The following WWOX variants were observed in gnomAD, a reference collection of about 807,000 sequenced individuals.
WWOX encodes WW domain-containing oxidoreductase.
WWOX carries 69 observed loss-of-function variants against 46.2 expected under a neutral mutation model. That is an observed-to-expected ratio of 1.49 (90% confidence interval 1.23 to 1.82). The LOEUF is 1.82. Among genes scored for constraint, WWOX ranks in the 40% most tolerant of loss-of-function variants. The probability of loss-of-function intolerance (pLI) is 0.00; values close to 1 mark genes in which losing one functional copy is unlikely to be tolerated. For missense variants in WWOX, 919 were observed against 542.6 expected (o/e 1.69, Z -6.89); for synonymous variants, 359 against 202.6 (o/e 1.77, Z -6.56).
chr16:78,404,436 G>C (rs1219923107), intron 6 of WWOX, among the ~76,000 whole-genome samples: 2 of 152,072 alleles, frequency 1.3e-5, no homozygotes, highest in African/African-American at 2.4e-5. Context: ...GAGAAGCTGA[G>C]GGTCACAGAA....
intron 8 of WWOX, among the ~76,000 whole-genome samples, chr16:78,928,933 C>T (rs2045560821): frequency 6.6e-6 from 1 of 152,118 alleles, no homozygotes; most frequent in Admixed American, 6.5e-5. Flanking sequence ...CCAGAAGTGC[C>T]CCTTTAAGTT....
At chr16:78,245,170 T>C (rs1002520543) in intron 5 of WWOX, among the ~76,000 whole-genome samples, 4 of 152,212 alleles carry the variant, frequency 2.6e-5, no homozygotes. Context: ...TTTTCTCTCT[T>C]AACATTTTAA....
At chr16:78,632,924 T>C (rs954262112) in intron 8 of WWOX, among the ~76,000 whole-genome samples, 1 of 152,036 alleles carries the variant, frequency 6.6e-6, no homozygotes, top group African/African-American at 2.4e-5. Context: ...GGTAGGGCCA[T>C]GTTGGAGAGG....
At chr16:78,397,507 C>T (rs768203221) in intron 6 of WWOX, among the ~76,000 whole-genome samples, 6 of 152,186 alleles carry the variant, frequency 3.9e-5, no homozygotes, top group Non-Finnish European at 1.5e-5. Flanking sequence ...AGCTGGTACG[C>T]AGTAAGGCTA....
At chr16:78,813,130 T>C (rs998691235) in intron 8 of WWOX, among the ~76,000 whole-genome samples, 2 of 152,014 alleles carry the variant, frequency 1.3e-5, no homozygotes, top group Admixed American at 1.3e-4. Flanking sequence ...CTATAAGTGG[T>C]TGATTGTTTT....
intron 8 of WWOX, among the ~76,000 whole-genome samples, chr16:78,980,731 G>A (rs1440391371): frequency 6.6e-6 from 1 of 152,100 alleles, no homozygotes; most frequent in Non-Finnish European, 1.5e-5. Context: ...TTCTCCCAAG[G>A]AGACTTTAGC....
chr16:78,305,439 A>G (rs2080116439), intron 5 of WWOX, among the ~76,000 whole-genome samples: 1 of 152,156 alleles, frequency 6.6e-6, no homozygotes, highest in Non-Finnish European at 1.5e-5. Context: ...ATCCAAGAAG[A>G]AGCATAGACA....
intron 8 of WWOX, among the ~76,000 whole-genome samples, chr16:78,747,731 C>T (rs906938366): frequency 1.1e-4 from 17 of 152,222 alleles, no homozygotes; most frequent in African/African-American, 3.9e-4. Context: ...CCTAGAGCGT[C>T]AGCCCATGAG....
chr16:78,156,066 C>A (rs1749336228), intron 4 of WWOX, among the ~76,000 whole-genome samples: 1 of 152,134 alleles, frequency 6.6e-6, no homozygotes, highest in Non-Finnish European at 1.5e-5. Flanking sequence ...AGTAGACTAG[C>A]AACGGGTAAT....
Position 78,151,176 on chromosome 16 carries a change from C to T in WWOX, c.410-13007C>T, listed in dbSNP as rs550984820. On this transcript the variant is annotated intron_variant, in intron 4 of 8. Coordinates refer to ENST00000566780, the MANE Select transcript of WWOX (RefSeq NM_016373.4). ...ACAGGCATGAGACCCCATGCCTGGC[C>T]AATTTCAAGGATTTTAGGAGCTCTG... 2.6e-5 allele frequency among the ~76,000 whole-genome samples: 4 copies of T among 152,090 alleles called. No homozygotes were observed. In the South Asian group the frequency reaches 6.2e-4, roughly 24 times the overall value.
At chr16:78,412,337 C>G (rs1170029295) in intron 6 of WWOX, among the ~76,000 whole-genome samples, 2 of 152,072 alleles carry the variant, frequency 1.3e-5, no homozygotes, top group Non-Finnish European at 2.9e-5. Flanking sequence ...CATGTTGACC[C>G]TGAATTTGTG....
chr16:78,928,038 CA>C lies in WWOX; in HGVS notation c.1057-283562del, dbSNP rs1479592547. ...AGTCTTGCTAGAATGCATAAACAAA[CA>C]AAAAAAATATCATACTCTCAGATCC... is the stretch of plus-strand genomic sequence containing the variant. On this transcript the variant is annotated intron_variant, in intron 8 of 8. Coordinates refer to ENST00000566780, the MANE Select transcript of WWOX (RefSeq NM_016373.4). 4.0e-5 allele frequency among the ~76,000 whole-genome samples: 6 copies of C among 151,432 alleles called. No individual in the cohort carries two copies. In the South Asian group the frequency reaches 1.2e-3, roughly 32 times the overall value.
chr16:78,727,025 A>T (rs1234026391), intron 8 of WWOX, among the ~76,000 whole-genome samples: 3 of 152,152 alleles, frequency 2.0e-5, no homozygotes, highest in Non-Finnish European at 4.4e-5. Flanking sequence ...TCCGTGGTGT[A>T]AGTTGCCTTA....
In WWOX at chr16:78,956,367, C is replaced by A. The variant is rs9924584; in HGVS notation, c.1057-255241C>A. On this transcript the variant is annotated intron_variant, in intron 8 of 8. Transcript: ENST00000566780. The stretch of plus-strand genomic sequence containing the variant: ...GCGGAGTTTCACCATGTTGGCCAGG[C>A]TGGTCTCTAACTCCTGACCTCAAGT... 2.9e-3 allele frequency among the ~76,000 whole-genome samples: 439 copies of A among 152,196 alleles called. 4 individuals carry two copies. Among genetic ancestry groups the A allele is most frequent in the African/African-American group, 0.01 (426 of 41,504 alleles).
rs2049711309 is a variant in WWOX at position 78,758,440 on chromosome 16, A to G, written c.1056+325688A>G. Among the ~76,000 whole-genome samples, 3 of 152,168 alleles carry G rather than the reference A, an allele frequency of 2.0e-5. No homozygotes were observed. The South Asian group carries it at 6.2e-4, about 32-fold the overall frequency. ...TAATGCAGGGTCCAGGAGCCACCTT[A>G]ATCATCCATAAATTGGTTAGGCATG... is the stretch of plus-strand genomic sequence containing the variant. On this transcript the variant is annotated intron_variant, in intron 8 of 8. Transcript: ENST00000566780.
rs553547927 is a variant in WWOX, at chr16:78,155,854, G to C, written c.410-8329G>C. Among the ~76,000 whole-genome samples the C allele has an allele frequency of 2.6e-5, 4 of 152,262 alleles. No homozygotes were observed. The South Asian group carries it at 8.3e-4, about 32-fold the overall frequency. On this transcript the variant is annotated intron_variant, in intron 4 of 8. Transcript: ENST00000566780. ...AGAGTGAGGGATGTTATTCTCTTGG[G>C]TTTTATCCAGGACTTTAACAGTAGG...
At chr16:78,399,998 A>G (rs1468462510) in intron 6 of WWOX, among the ~76,000 whole-genome samples, 1 of 152,200 alleles carries the variant, frequency 6.6e-6, no homozygotes, top group East Asian at 1.9e-4. Context: ...TAGTTGAGCT[A>G]CTTGTCACTG....
intron 8 of WWOX, among the ~76,000 whole-genome samples, chr16:79,117,363 G>C (rs7192203): frequency 0.12 from 19,007 of 152,100 alleles, 2,625 homozygotes; most frequent in African/African-American, 0.34. Context: ...GGTCTCGACA[G>C]TGGGCATAAA....
chr16:78,342,127 C>T lies in WWOX; in HGVS notation c.517-44733C>T, dbSNP rs1207528959. Reference sequence around the variant, plus strand: ...TGAGACTATGTCTCAAGAAAATGTTCAAGAAGAAATACAAACTATTGAAAA... The same window carrying T: ...TGAGACTATGTCTCAAGAAAATGTTTAAGAAGAAATACAAACTATTGAAAA... On this transcript the variant is annotated intron_variant, in intron 5 of 8. Coordinates refer to ENST00000566780, the MANE Select transcript of WWOX (RefSeq NM_016373.4). Among the ~76,000 whole-genome samples the T allele has an allele frequency of 1.7e-5, 2 of 120,720 alleles. 1 individual carries two copies. The highest frequency in any genetic ancestry group is 4.0e-5 in the Non-Finnish European group (2 of 50,574). 79.2% of individuals were successfully genotyped at this position (120,720 alleles called of 152,430 possible).
Sources: allele counts gnomAD v4.1 joint callset (sites outside exome capture counted in the v4.1 genomes callset), GRCh38; gene constraint gnomAD v4.1.1; transcripts MANE v1.5; gene names NCBI Gene and HGNC (gene_info 2026-07-23, HGNC 2026-07-21).